Variants in STXBP4 observed in about 807,000 individuals in gnomAD.
STXBP4 encodes the protein syntaxin binding protein 4.
Under a neutral mutation model 76.1 loss-of-function variants are expected in STXBP4, and 55 were observed. That is an observed-to-expected ratio of 0.72 (90% confidence interval 0.58 to 0.91). STXBP4 has a LOEUF of 0.91. STXBP4 is among the 40% of genes least tolerant of loss of function. STXBP4 has a pLI of 0.00. For missense variants in STXBP4, 618 were observed against 636.9 expected (o/e 0.97, Z 0.32); for synonymous variants, 201 against 220.2 (o/e 0.91, Z 0.77).
the STXBP4 span, among the ~76,000 whole-genome samples, chr17:55,196,296 C>T: frequency 2.6e-5 from 4 of 152,086 alleles, no homozygotes; most frequent in African/African-American, 4.8e-5. Flanking sequence ...CAAGTGCCTC[C>T]GTGATCACTA....
At chr17:55,057,318 A>G (rs953482555) in intron 12 of STXBP4, among the ~76,000 whole-genome samples, 1 of 152,180 alleles carries the variant, frequency 6.6e-6, no homozygotes, top group Non-Finnish European at 1.5e-5. Context: ...CAGAAAATGT[A>G]TTGTCCTCCT....
chr17:55,152,467 T>C (rs999211212), intron 17 of STXBP4, among the ~76,000 whole-genome samples: 1 of 152,300 alleles, frequency 6.6e-6, no homozygotes, highest in East Asian at 1.9e-4. Context: ...GCTATAAAGA[T>C]ATCACCTGAG....
At chr17:55,058,943 A>G (rs2078965009) in intron 12 of STXBP4, among the ~76,000 whole-genome samples, 1 of 152,064 alleles carries the variant, frequency 6.6e-6, no homozygotes, top group African/African-American at 2.4e-5. Context: ...AAAAATGGCT[A>G]TTAATATTGC....
rs1449096167 is a variant in STXBP4, at chr17:55,161,892, G to A, written c.*1981G>A. 2.0e-5 allele frequency: 3 copies of A among 152,308 alleles called. No homozygotes were observed. In the East Asian group the frequency reaches 5.8e-4, roughly 29 times the overall value. The allele number at this position is 152,308 out of a possible 1,614,324, so 9.4% of individuals were successfully genotyped here. On this transcript the variant is annotated 3_prime_UTR_variant, in exon 18 of 18. Transcript: ENST00000376352. ...ACAAAGCACCTATGTGTAGAAGCTAGGGTTCAAGGCAGATCTGTGATTCCA... is the reference window on the plus strand; with the variant it reads ...ACAAAGCACCTATGTGTAGAAGCTAAGGTTCAAGGCAGATCTGTGATTCCA...
At chr17:55,112,424 GTATT>G (rs2079731210) in intron 16 of STXBP4, among the ~76,000 whole-genome samples, 1 of 152,122 alleles carries the variant, frequency 6.6e-6, no homozygotes, top group Non-Finnish European at 1.5e-5. Flanking sequence ...TATTCAATAA[GTATT>G]TAACAACTAA....
rs777235673 is a variant in STXBP4, at chr17:55,159,952, C to T, written c.*41C>T. The T allele has an allele frequency of 9.6e-6, 12 of 1,255,734 alleles. No individual in the cohort carries two copies. The highest frequency in any genetic ancestry group is 1.9e-4 in the Middle Eastern group (1 of 5,368). The allele number at this position is 1,255,734 out of a possible 1,614,324, so 77.8% of individuals were successfully genotyped here. ...AGTGGAGCTACATGGATGATGTGAG[C>T]AGAGACGCATAACATCCAATTCTGA... On this transcript the variant is annotated 3_prime_UTR_variant, in exon 18 of 18. Transcript: ENST00000376352.
chr17:55,122,506 TAAATG>T (rs966072601), intron 16 of STXBP4, among the ~76,000 whole-genome samples: 1 of 152,184 alleles, frequency 6.6e-6, no homozygotes, highest in African/African-American at 2.4e-5. Flanking sequence ...AATGCAGAGA[TAAATG>T]AAGGAATGTG....
At chr17:54,980,458 A>G (rs1205473442) in intron 1 of STXBP4, among the ~76,000 whole-genome samples, 2 of 152,240 alleles carry the variant, frequency 1.3e-5, no homozygotes, top group East Asian at 3.8e-4. Flanking sequence ...GAATGAAACA[A>G]TGAAAGCACA....
intron 7 of STXBP4, among the ~76,000 whole-genome samples, chr17:55,005,711 A>G (rs1351110731): frequency 2.0e-5 from 3 of 152,212 alleles, no homozygotes; most frequent in Admixed American, 2.0e-4. Flanking sequence ...CTTTGAGACC[A>G]TAATCAGGTT....
intron 12 of STXBP4, among the ~76,000 whole-genome samples, chr17:55,072,142 T>G (rs971640907): frequency 6.6e-6 from 1 of 152,206 alleles, no homozygotes; most frequent in Non-Finnish European, 1.5e-5. Flanking sequence ...AGCATTAATG[T>G]TGCAGTCAGG....
intron 16 of STXBP4, among the ~76,000 whole-genome samples, chr17:55,113,438 T>C (rs1393592264): frequency 6.6e-6 from 1 of 152,122 alleles, no homozygotes; most frequent in African/African-American, 2.4e-5. Context: ...CTGTAACATA[T>C]GTTAAAAGTT....
rs10690646 is a variant in STXBP4, at chr17:55,077,686, CGTGTGTGTGTGT to C, written c.1189-359_1189-348del. ...CTTCCTTGCTAGCTTTGTCTTACAT[CGTGTGTGTGTGT>C]GTGTGTGTGTGTGTGTGTGTGTGTG... is the stretch of plus-strand genomic sequence containing the variant. On this transcript the variant is annotated intron_variant, in intron 13 of 17. Transcript: ENST00000376352. Among the ~76,000 whole-genome samples the C allele has an allele frequency of 2.0e-3, 267 of 134,082 alleles. 1 individual carries two copies. The highest frequency in any genetic ancestry group is 7.0e-3 in the Admixed American group (91 of 13,044). 88.0% of individuals were successfully genotyped at this position (134,082 alleles called of 152,430 possible). A position where few individuals can be genotyped will look rare whatever the true frequency, so the allele number is the denominator to read the frequency against.
At chr17:55,185,350 TCTC>T in the STXBP4 span, among the ~76,000 whole-genome samples, 2 of 105,364 alleles carry the variant, frequency 1.9e-5, no homozygotes, top group African/African-American at 3.4e-5. Flanking sequence ...TCCTCCTCCT[TCTC>T]CTCCTCCTTC....
In STXBP4 at chr17:55,125,479, C is replaced by CAAAAAAAAAAAAAAA. The variant is rs10632680; in HGVS notation, c.1490-15824_1490-15810dup. Among the ~76,000 whole-genome samples the CAAAAAAAAAAAAAAA allele has an allele frequency of 7.8e-4, 72 of 91,728 alleles. 1 individual carries two copies. The highest frequency in any genetic ancestry group is 1.1e-3 in the Non-Finnish European group (52 of 46,878). 60.2% of individuals were successfully genotyped at this position (91,728 alleles called of 152,430 possible). A position where few individuals can be genotyped will look rare whatever the true frequency, so the allele number is the denominator to read the frequency against. ...CCTATTGTAAACCCTGGACAAAATACAAAAAAAAAAAAAAAAAAAAATACA... is the reference window on the plus strand; with the variant it reads ...CCTATTGTAAACCCTGGACAAAATACAAAAAAAAAAAAAAAAAAAAAAAAAAAAAAAAAAAATACA... On this transcript the variant is annotated intron_variant, in intron 16 of 17. Coordinates refer to ENST00000376352, the MANE Select transcript of STXBP4 (RefSeq NM_178509.6).
At chr17:55,212,708 C>T in the STXBP4 span, among the ~76,000 whole-genome samples, 1 of 152,262 alleles carries the variant, frequency 6.6e-6, no homozygotes, top group Admixed American at 6.5e-5. Flanking sequence ...GGTGTCCATG[C>T]TTTATTCCAA....
the STXBP4 span, among the ~76,000 whole-genome samples, chr17:55,195,363 C>G: frequency 6.6e-6 from 1 of 152,210 alleles, no homozygotes; most frequent in Non-Finnish European, 1.5e-5. Flanking sequence ...AACATTGTTT[C>G]CCTTTTATAT....
chr17:55,077,232 A>G (rs1208609340), intron 13 of STXBP4, among the ~76,000 whole-genome samples: 4 of 152,108 alleles, frequency 2.6e-5, no homozygotes, highest in African/African-American at 9.7e-5. Context: ...CTATCAATGC[A>G]TTATAAGTGG....
At chr17:55,067,524 A>G (rs2079068696) in intron 12 of STXBP4, among the ~76,000 whole-genome samples, 1 of 149,682 alleles carries the variant, frequency 6.7e-6, no homozygotes, top group Non-Finnish European at 1.5e-5. Flanking sequence ...TATGGGAATC[A>G]TGTGAGAGTT....
intron 16 of STXBP4, among the ~76,000 whole-genome samples, chr17:55,119,575 C>T (rs2079820638): frequency 1.3e-5 from 2 of 152,092 alleles, no homozygotes; most frequent in South Asian, 2.1e-4. Context: ...ATACAGAACA[C>T]TAATCAGAAG....
Sources: gnomAD v4.1 joint callset for allele counts (sites outside exome capture counted in the v4.1 genomes callset) on GRCh38, gnomAD v4.1.1 for gene constraint, MANE v1.5 for transcripts, NCBI Gene and HGNC (gene_info 2026-07-23, HGNC 2026-07-21) for gene names.